Variants in COBL observed in about 807,000 individuals in gnomAD.
The protein encoded by COBL is protein cordon-bleu.
A neutral mutation model predicts 98.8 loss-of-function variants in COBL; 51 were observed. The ratio of observed to expected loss-of-function variants is 0.52; its 90% CI spans 0.41 to 0.65. The LOEUF (loss-of-function observed/expected upper bound fraction) is 0.65, where lower values mean the gene tolerates loss of function less well. Ranked by LOEUF, COBL falls within the 30% of genes least tolerant of loss-of-function variation. The pLI is 0.00. For synonymous variants in COBL, 634 were observed against 651.7 expected (o/e 0.97, Z 0.41); for missense variants, 1,617 against 1,617.5 (o/e 1.00, Z 0.01).
intron 2 of COBL, among the ~76,000 whole-genome samples, chr7:51,196,147 C>T (rs997797458): frequency 6.6e-6 from 1 of 152,040 alleles, no homozygotes; most frequent in African/African-American, 2.4e-5. Flanking sequence ...TCATATATGG[C>T]TCTTATTATT....
At chr7:51,272,864 G>T (rs1798895049) in intron 1 of COBL, among the ~76,000 whole-genome samples, 1 of 152,038 alleles carries the variant, frequency 6.6e-6, no homozygotes, top group Admixed American at 6.6e-5. Flanking sequence ...GCTCTTATCT[G>T]CAGGTAAAGA....
intron 2 of COBL, among the ~76,000 whole-genome samples, chr7:51,203,812 T>C (rs1453602805): frequency 1.3e-5 from 2 of 152,122 alleles, no homozygotes; most frequent in African/African-American, 4.8e-5. Flanking sequence ...GAATAATTGA[T>C]ACTAGTGCTT....
chr7:51,195,841 G>A (rs537947573), intron 2 of COBL, among the ~76,000 whole-genome samples: 5 of 152,186 alleles, frequency 3.3e-5, no homozygotes, highest in Non-Finnish European at 4.4e-5. Flanking sequence ...TTTGTACATC[G>A]ATTTTGTATA....
At chr7:51,159,553 G>C (rs1336566005) in intron 5 of COBL, among the ~76,000 whole-genome samples, 3 of 152,180 alleles carry the variant, frequency 2.0e-5, no homozygotes, top group African/African-American at 7.2e-5. Flanking sequence ...AGCAGGGGAA[G>C]GCCAGAAAGG....
chr7:51,205,013 A>G (rs1460909378), intron 2 of COBL, among the ~76,000 whole-genome samples: 1 of 152,252 alleles, frequency 6.6e-6, no homozygotes, highest in Non-Finnish European at 1.5e-5. Flanking sequence ...AAATCAAAGG[A>G]GACACAGATA....
chr7:51,172,598 G>T (rs957688888), intron 5 of COBL: 2 of 1,153,786 alleles, frequency 1.7e-6, no homozygotes, highest in Non-Finnish European at 2.3e-6. Context: ...AGTCCTTAGC[G>T]ATCATTAAGG....
intron 5 of COBL, among the ~76,000 whole-genome samples, chr7:51,182,898 A>T (rs761608978): frequency 5.3e-5 from 8 of 152,150 alleles, no homozygotes; most frequent in Non-Finnish European, 8.8e-5. Flanking sequence ...AAAGACAGGA[A>T]GTCTGCCAGT....
At chr7:51,204,237 A>G (rs1362217843) in intron 2 of COBL, among the ~76,000 whole-genome samples, 2 of 152,212 alleles carry the variant, frequency 1.3e-5, no homozygotes, top group African/African-American at 4.8e-5. Context: ...CATTATAAAA[A>G]CCATATACAA....
At chr7:51,119,470 A>G (rs192436908) in intron 6 of COBL, among the ~76,000 whole-genome samples, 27 of 152,300 alleles carry the variant, frequency 1.8e-4, no homozygotes, top group Admixed American at 4.6e-4. Flanking sequence ...TGTAAAGTAA[A>G]AGGAGGAGGG....
intron 7 of COBL, among the ~76,000 whole-genome samples, chr7:51,057,490 A>G (rs1156651608): frequency 6.6e-6 from 1 of 152,104 alleles, no homozygotes; most frequent in African/African-American, 2.4e-5. Context: ...AATAGTAACA[A>G]GATTTTTCTC....
chr7:51,125,189 G>A (rs999693619), intron 6 of COBL, among the ~76,000 whole-genome samples: 1 of 152,156 alleles, frequency 6.6e-6, no homozygotes, highest in African/African-American at 2.4e-5. Context: ...CTCTAAAGAA[G>A]TAACTAAATT....
chr7:51,112,398 T>G (rs187517157), intron 6 of COBL, among the ~76,000 whole-genome samples: 1 of 152,198 alleles, frequency 6.6e-6, no homozygotes, highest in South Asian at 2.1e-4. Flanking sequence ...TTATGATTAA[T>G]ATGTAACTTA....
chr7:51,268,922 C>A (rs568315434), intron 1 of COBL, among the ~76,000 whole-genome samples: 14 of 142,584 alleles, frequency 9.8e-5, no homozygotes, highest in African/African-American at 3.6e-4. Context: ...AGAGTGAGAC[C>A]CCGTCTCAAT....
intron 1 of COBL, among the ~76,000 whole-genome samples, chr7:51,242,909 G>T (rs936662957): frequency 1.6e-4 from 24 of 152,274 alleles, no homozygotes; most frequent in African/African-American, 5.8e-4. Flanking sequence ...AAAGCCCAGG[G>T]TAACCGCTAC....
intron 6 of COBL, among the ~76,000 whole-genome samples, chr7:51,108,917 GACAC>G (rs1159629618): frequency 7.1e-4 from 41 of 57,916 alleles, no homozygotes; most frequent in East Asian, 3.4e-3. Flanking sequence ...CTGACACATA[GACAC>G]ACACACACAC....
intron 7 of COBL, among the ~76,000 whole-genome samples, chr7:51,080,105 C>A (rs1344196098): frequency 6.6e-6 from 1 of 152,180 alleles, no homozygotes; most frequent in Non-Finnish European, 1.5e-5. Flanking sequence ...GCAAAGCCAT[C>A]AGGCCTATGA....
At chr7:51,120,480 T>C (rs1797648665) in intron 6 of COBL, among the ~76,000 whole-genome samples, 1 of 152,242 alleles carries the variant, frequency 6.6e-6, no homozygotes, top group Non-Finnish European at 1.5e-5. Flanking sequence ...TATCATTAAT[T>C]ATGGTAAATA....
intron 1 of COBL, among the ~76,000 whole-genome samples, chr7:51,252,976 A>G (rs906318278): frequency 4.3e-4 from 65 of 152,174 alleles, no homozygotes; most frequent in African/African-American, 1.5e-3. Context: ...TAATCGCAGC[A>G]CCTTGGGAGG....
At chr7:51,177,066 G>A (rs921601401) in intron 5 of COBL, among the ~76,000 whole-genome samples, 2 of 152,140 alleles carry the variant, frequency 1.3e-5, no homozygotes, top group Non-Finnish European at 2.9e-5. Flanking sequence ...CCTATTTCTG[G>A]TAGGTGTTTA....
Sources: gnomAD v4.1 joint callset for allele counts (sites outside exome capture counted in the v4.1 genomes callset) on GRCh38, gnomAD v4.1.1 for gene constraint, MANE v1.5 for transcripts, NCBI Gene and HGNC (gene_info 2026-07-23, HGNC 2026-07-21) for gene names.